AGAP1: variants seen among roughly 807,000 people sequenced by gnomAD.
The protein encoded by AGAP1 is arf-GAP with GTPase, ANK repeat and PH domain-containing protein 1.
A neutral mutation model predicts 105.3 loss-of-function variants in AGAP1; 29 were observed. That is an observed-to-expected ratio of 0.28 (90% CI 0.21 to 0.38). The LOEUF (loss-of-function observed/expected upper bound fraction) is 0.38. Among genes scored for constraint, AGAP1 ranks in the 10% least tolerant of loss-of-function variants. The pLI is 1.00. For synonymous variants in AGAP1, 509 were observed against 485.9 expected (o/e 1.05, Z -0.63); for missense variants, 998 against 1,165.1 (o/e 0.86, Z 2.09).
chr2:235,544,812 A>AG (rs1172774964), intron 1 of AGAP1, among the ~76,000 whole-genome samples: 2 of 152,164 alleles, frequency 1.3e-5, no homozygotes, highest in Admixed American at 1.3e-4. Flanking sequence ...TGTTGACTTG[A>AG]GGGGACCTTT....
chr2:235,591,155 A>G (rs1657030467), intron 1 of AGAP1, among the ~76,000 whole-genome samples: 2 of 152,050 alleles, frequency 1.3e-5, no homozygotes, highest in African/African-American at 4.8e-5. Context: ...AGCTGGGATT[A>G]CAGGCACCCA....
chr2:235,938,303 G>A (rs983225001), intron 12 of AGAP1, among the ~76,000 whole-genome samples: 11 of 152,210 alleles, frequency 7.2e-5, no homozygotes, highest in African/African-American at 2.7e-4. Flanking sequence ...GCAGCAGGTC[G>A]GTGGTCAAGG....
At chr2:236,102,228 T>A (rs183241436) in intron 16 of AGAP1, among the ~76,000 whole-genome samples, 1 of 151,912 alleles carries the variant, frequency 6.6e-6, no homozygotes, top group African/African-American at 2.4e-5. Context: ...CCATCCTGGC[T>A]AACACGGTGA....
rs2058058730 is a variant in AGAP1 at position 236,056,628 on chromosome 2, G to GCC, written c.2114+7349_2114+7350dup. Reference sequence around the variant, plus strand: ...CCAGCAGTCAAGCATTTTCCAAAGGGCCCTGTCTTTCAGTCGTGTTTTGCT... The same window carrying GCC: ...CCAGCAGTCAAGCATTTTCCAAAGGGCCCCCTGTCTTTCAGTCGTGTTTTGCT... On this transcript the variant is annotated intron_variant, in intron 16 of 17. Coordinates refer to ENST00000304032, the MANE Select transcript of AGAP1 (RefSeq NM_001037131.3). This position sits in a 1 kb window ranked among gnomAD's most constrained non-coding sequence, Gnocchi z 4.6. Among the ~76,000 whole-genome samples, 1 of 152,140 alleles carries GCC rather than the reference G, an allele frequency of 6.6e-6. No individual in the cohort carries two copies. The highest frequency in any genetic ancestry group is 2.4e-5 in the African/African-American group (1 of 41,418).
chr2:235,826,869 A>G (rs1575565870), intron 9 of AGAP1, among the ~76,000 whole-genome samples: 1 of 152,142 alleles, frequency 6.6e-6, no homozygotes, highest in African/African-American at 2.4e-5. Flanking sequence ...AAAACACACA[A>G]ATTTGGCCAA....
intron 1 of AGAP1, among the ~76,000 whole-genome samples, chr2:235,666,664 C>T (rs529189850): frequency 6.7e-6 from 1 of 150,286 alleles, no homozygotes; most frequent in African/African-American, 2.5e-5. Flanking sequence ...CTCCGCAGCC[C>T]GCATCTCATA....
chr2:235,572,125 A>C (rs565855613), intron 1 of AGAP1, among the ~76,000 whole-genome samples: 3 of 150,960 alleles, frequency 2.0e-5, no homozygotes, highest in African/African-American at 7.3e-5. Context: ...TTTGGGTCTG[A>C]ACTTTATTGA....
chr2:235,542,218 G>GGC (rs1041345004), intron 1 of AGAP1, among the ~76,000 whole-genome samples: 8 of 114,026 alleles, frequency 7.0e-5, no homozygotes, highest in African/African-American at 2.9e-4. Flanking sequence ...AGTGGGTCCC[G>GGC]GGGGGGGGCC....
At chr2:235,820,502 C>G (rs1575551619) in intron 9 of AGAP1, among the ~76,000 whole-genome samples, 1 of 152,132 alleles carries the variant, frequency 6.6e-6, no homozygotes, top group Non-Finnish European at 1.5e-5. Flanking sequence ...TCTTCACATA[C>G]AAAATTTTGT....
intron 1 of AGAP1, among the ~76,000 whole-genome samples, chr2:235,651,184 C>CAGAAA (rs1947575190): frequency 1.8e-5 from 1 of 54,112 alleles, no homozygotes; most frequent in Non-Finnish European, 3.7e-5. Context: ...AACTCCATCT[C>CAGAAA]AAAAAAAAAA....
In AGAP1 at chr2:235,601,071, G is replaced by A. The variant is rs548509536; in HGVS notation, c.163+106222G>A. 1.3e-5 allele frequency among the ~76,000 whole-genome samples: 2 copies of A among 152,302 alleles called. No homozygotes were observed. The highest frequency in any genetic ancestry group is 4.1e-4 in the South Asian group (2 of 4,824). On this transcript the variant is annotated intron_variant, in intron 1 of 17. Transcript: ENST00000304032. This position sits in a 1 kb window ranked among gnomAD's most constrained non-coding sequence, Gnocchi z 4.4. ...ACGCCACTGCCACAGTACCTGCAGG[G>A]TCCAGCCAGCTCCCCACCTCCACTG... is the stretch of plus-strand genomic sequence containing the variant.
At chr2:235,545,085 T>C (rs937204132) in intron 1 of AGAP1, among the ~76,000 whole-genome samples, 2 of 152,302 alleles carry the variant, frequency 1.3e-5, no homozygotes, top group Non-Finnish European at 2.9e-5. Context: ...CTTGCTACTT[T>C]GTTGTTTAGA....
chr2:235,939,481 T>A (rs2053151930), intron 12 of AGAP1, among the ~76,000 whole-genome samples: 2 of 152,038 alleles, frequency 1.3e-5, no homozygotes, highest in Non-Finnish European at 2.9e-5. Context: ...TCAGCTTACA[T>A]ACCTGCTCGG....
intron 9 of AGAP1, among the ~76,000 whole-genome samples, chr2:235,816,037 T>C (rs1270626789): frequency 6.6e-6 from 1 of 152,222 alleles, no homozygotes; most frequent in Non-Finnish European, 1.5e-5. Flanking sequence ...AGGTGCTCAC[T>C]GTCCGTCAGT....
chr2:235,778,657 G>T (rs1199839224), intron 6 of AGAP1, among the ~76,000 whole-genome samples: 1 of 152,172 alleles, frequency 6.6e-6, no homozygotes, highest in Non-Finnish European at 1.5e-5. Flanking sequence ...GCAGTGCCAG[G>T]GTCCTCATCT....
intron 13 of AGAP1, among the ~76,000 whole-genome samples, chr2:236,033,107 T>A (rs1397577958): frequency 6.6e-6 from 1 of 151,974 alleles, no homozygotes; most frequent in Non-Finnish European, 1.5e-5. Flanking sequence ...TAGCCGGATA[T>A]GGTGGCACAT....
At chr2:235,656,244 A>C in intron 1 of AGAP1, among the ~76,000 whole-genome samples, 1 of 152,112 alleles carries the variant, frequency 6.6e-6, no homozygotes, top group East Asian at 1.9e-4. Flanking sequence ...CTTTTTTTGC[A>C]GGGCAGGCAT....
intron 1 of AGAP1, among the ~76,000 whole-genome samples, chr2:235,560,753 T>C (rs1015431480): frequency 6.6e-6 from 1 of 152,156 alleles, no homozygotes; most frequent in African/African-American, 2.4e-5. Context: ...GAGACCCACA[T>C]TGGACTTGTG....
chr2:236,077,624 T>C (rs2125822579), intron 16 of AGAP1, among the ~76,000 whole-genome samples: 1 of 152,286 alleles, frequency 6.6e-6, no homozygotes, highest in Admixed American at 6.5e-5. Flanking sequence ...CAGCCATGTA[T>C]GTCTTTTAAA....
Sources: allele counts gnomAD v4.1 joint callset (sites outside exome capture counted in the v4.1 genomes callset), GRCh38; gene constraint gnomAD v4.1.1; non-coding constraint Gnocchi (gnomAD v3.1); transcripts MANE v1.5; gene names NCBI Gene and HGNC (gene_info 2026-07-23, HGNC 2026-07-21).